The following NCAM1 variants were observed in gnomAD, a reference collection of about 807,000 sequenced individuals.
NCAM1 encodes antigen recognized by monoclonal antibody 5.1H11.
In NCAM1, 14 loss-of-function variants were observed where a neutral mutation model predicts 109.8. The observed-to-expected ratio is 0.13, with a 90% CI of 0.08 to 0.20. NCAM1 has a LOEUF of 0.20. Ranked by LOEUF, NCAM1 falls within the 10% of genes least tolerant of loss-of-function variation. The pLI is 1.00. For missense variants in NCAM1, 774 were observed against 1,109.9 expected, an observed-to-expected ratio of 0.70 and a Z score of 4.30; for synonymous variants, 418 against 442.9, an observed-to-expected ratio of 0.94 and a Z score of 0.70.
At chr11:113,031,785 T>G (rs1174901240) in intron 1 of NCAM1, among the ~76,000 whole-genome samples, 1 of 152,154 alleles carries the variant, frequency 6.6e-6, no homozygotes, top group Non-Finnish European at 1.5e-5. Context: ...CAACAGCAGC[T>G]GGGAAGGACA....
intron 8 of NCAM1, among the ~76,000 whole-genome samples, chr11:113,215,268 C>T (rs1944495303): frequency 6.6e-6 from 1 of 151,980 alleles, no homozygotes; most frequent in African/African-American, 2.4e-5. Context: ...TTGAGTGGGC[C>T]AAAAGTAGGA....
intron 1 of NCAM1, among the ~76,000 whole-genome samples, chr11:113,150,366 C>T (rs1234402532): frequency 3.3e-5 from 5 of 152,062 alleles, no homozygotes; most frequent in African/African-American, 1.2e-4. Flanking sequence ...TGGTGGTGGC[C>T]CTGTCTATAT....
intron 1 of NCAM1, among the ~76,000 whole-genome samples, chr11:113,095,316 G>A (rs550523316): frequency 9.5e-5 from 13 of 136,500 alleles, no homozygotes; most frequent in South Asian, 5.0e-4. Context: ...AATAGAATGC[G>A]TGTGTGTGTG....
intron 2 of NCAM1, among the ~76,000 whole-genome samples, chr11:113,203,409 T>G (rs1944133816): frequency 6.6e-6 from 1 of 152,246 alleles, no homozygotes; most frequent in South Asian, 2.1e-4. Flanking sequence ...GAAGACTGCT[T>G]CATTTCCATA....
At chr11:113,149,687 C>T (rs537111395) in intron 1 of NCAM1, among the ~76,000 whole-genome samples, 14 of 152,234 alleles carry the variant, frequency 9.2e-5, no homozygotes, top group Admixed American at 5.9e-4. Flanking sequence ...TTTAGTGTTT[C>T]GTTTAATTAC....
At chr11:113,169,046 GTGTGTGTGTGTGTGTGTGTGTGTGTC>G (rs1942903038) in intron 1 of NCAM1, among the ~76,000 whole-genome samples, 1 of 99,782 alleles carries the variant, frequency 1.0e-5, no homozygotes, top group South Asian at 4.7e-4. Flanking sequence ...CTGTGTGTGT[GTGTGTGTGTGTGTGTGTGTGTGTGTC>G]TGTGTGTGTG....
chr11:113,058,813 T>C (rs1555083017), intron 1 of NCAM1, among the ~76,000 whole-genome samples: 3 of 152,224 alleles, frequency 2.0e-5, no homozygotes, highest in Non-Finnish European at 4.4e-5. Flanking sequence ...CCATGGCCTT[T>C]TTCCTGAAGC....
At position 113,205,654 on chromosome 11, in the gene NCAM1, C is replaced by T. The variant is rs1944214241; in HGVS notation, c.478C>T (p.Leu160=). The T allele has an allele frequency of 6.2e-7, 1 of 1,612,070 alleles. No individual in the cohort carries two copies. The highest frequency in any genetic ancestry group is 8.5e-7 in the Non-Finnish European group (1 of 1,179,370). ...IWKHKGRDVI[L]KKDVRFIVLS... Reference sequence around the variant, plus strand: ...GAAACACAAAGGCCGAGATGTCATCCTGAAAAAAGATGGTGAGACCTGAAT... The same window carrying T: ...GAAACACAAAGGCCGAGATGTCATCTTGAAAAAAGATGGTGAGACCTGAAT... The change falls in exon 4 of 20, where the codon CTG becomes TTG. Residue 160 remains leucine, a synonymous_variant. Transcript: ENST00000316851.
intron 1 of NCAM1, among the ~76,000 whole-genome samples, chr11:113,100,498 G>A (rs1260720792): frequency 2.0e-5 from 3 of 152,162 alleles, no homozygotes; most frequent in African/African-American, 7.2e-5. Context: ...GCACTTGAAG[G>A]ATGGTGAATG....
At chr11:113,171,093 G>A (rs1942974273) in intron 1 of NCAM1, among the ~76,000 whole-genome samples, 1 of 152,188 alleles carries the variant, frequency 6.6e-6, no homozygotes, top group Admixed American at 6.5e-5. Flanking sequence ...GCCAGAGGCT[G>A]TGACCTTATT....
intron 1 of NCAM1, among the ~76,000 whole-genome samples, chr11:113,105,657 C>A (rs1940122445): frequency 6.6e-6 from 1 of 152,028 alleles, no homozygotes; most frequent in South Asian, 2.1e-4. Context: ...TGAAAGAAGC[C>A]AGATAAAAAT....
chr11:113,221,458 C>A, intron 9 of NCAM1, 133 bp downstream of exon 9: 1 of 880,644 alleles, frequency 1.1e-6, no homozygotes, highest in South Asian at 1.6e-5. Context: ...TAGTGGTAGA[C>A]ATTACTTAGC....
intron 1 of NCAM1, among the ~76,000 whole-genome samples, chr11:113,049,445 C>T (rs148409946): frequency 6.6e-6 from 1 of 152,244 alleles, no homozygotes; most frequent in East Asian, 1.9e-4. Flanking sequence ...AGCTATCTTG[C>T]AGAGTGTTTT....
At chr11:113,256,097 G>T (rs1389883198) in intron 16 of NCAM1, 96 bp downstream of exon 16, 1 of 1,472,414 alleles carries the variant, frequency 6.8e-7, no homozygotes. Flanking sequence ...GGCAGGGGTG[G>T]GATGGGGTCT....
chr11:113,193,727 G>A (rs373323348), intron 1 of NCAM1, among the ~76,000 whole-genome samples: 85 of 152,266 alleles, frequency 5.6e-4, no homozygotes, highest in African/African-American at 2.0e-3. Context: ...AATGAGAAAA[G>A]AGAACTGGGT....
chr11:113,082,831 C>T (rs1938899672), intron 1 of NCAM1, among the ~76,000 whole-genome samples: 3 of 152,174 alleles, frequency 2.0e-5, no homozygotes, highest in Admixed American at 2.0e-4. Context: ...TCAAAAGCAA[C>T]CCTCTATGTC....
chr11:113,092,260 A>G (rs1490441862), intron 1 of NCAM1, among the ~76,000 whole-genome samples: 1 of 152,100 alleles, frequency 6.6e-6, no homozygotes, highest in African/African-American at 2.4e-5. Context: ...TACATTTTAC[A>G]TATGAGCAAA....
intron 1 of NCAM1, among the ~76,000 whole-genome samples, chr11:113,185,113 GAT>G (rs1943470893): frequency 6.9e-6 from 1 of 145,288 alleles, no homozygotes. Context: ...GAGAGAGAGA[GAT>G]TTATTATAAG....
chr11:112,990,682 GA>G (rs1273829138), intron 1 of NCAM1, among the ~76,000 whole-genome samples: 4 of 152,058 alleles, frequency 2.6e-5, no homozygotes, highest in African/African-American at 9.7e-5. Flanking sequence ...AAGTGGGTGT[GA>G]TTTTTTCTGG....
Sources: gnomAD v4.1 joint callset for allele counts (sites outside exome capture counted in the v4.1 genomes callset) on GRCh38, gnomAD v4.1.1 for gene constraint, MANE v1.5 for transcripts, NCBI Gene and HGNC (gene_info 2026-07-23, HGNC 2026-07-21) for gene names.